CNTN4: variants seen among roughly 807,000 people sequenced by gnomAD.
The protein encoded by CNTN4 is contactin 4.
In CNTN4, 77 loss-of-function variants were observed where a neutral mutation model predicts 122.5. That is an observed-to-expected ratio of 0.63 (90% CI 0.52 to 0.76). The LOEUF (loss-of-function observed/expected upper bound fraction) is 0.76. Among genes scored for constraint, CNTN4 ranks in the 30% least tolerant of loss-of-function variants. The pLI is 0.00. For missense variants in CNTN4, 1,256 were observed against 1,259.1 expected (o/e 1.00, Z 0.04); for synonymous variants, 512 against 447.0 (o/e 1.15, Z -1.83).
chr3:2,608,554 C>T (rs924776739), intron 4 of CNTN4, among the ~76,000 whole-genome samples: 1 of 152,198 alleles, frequency 6.6e-6, no homozygotes, highest in East Asian at 1.9e-4. Context: ...TTACTACAAC[C>T]TCTGCCTCAT....
At chr3:3,020,068 G>C (rs985527406) in intron 14 of CNTN4, among the ~76,000 whole-genome samples, 3 of 152,190 alleles carry the variant, frequency 2.0e-5, no homozygotes, top group African/African-American at 7.2e-5. Context: ...CATGGTGAGT[G>C]CTGAGTTAGC....
At chr3:2,673,977 A>G (rs920657822) in intron 4 of CNTN4, among the ~76,000 whole-genome samples, 1 of 152,190 alleles carries the variant, frequency 6.6e-6, no homozygotes, top group East Asian at 1.9e-4. Context: ...GAGGCAACCC[A>G]GCAGACTGCC....
At chr3:2,185,289 T>C (rs1459184503) in intron 2 of CNTN4, among the ~76,000 whole-genome samples, 1 of 152,176 alleles carries the variant, frequency 6.6e-6, no homozygotes, top group African/African-American at 2.4e-5. Context: ...CTCACCACGG[T>C]CTCTCTCTTC....
Position 2,988,456 on chromosome 3 carries a change from A to T in CNTN4, c.1470A>T (p.Gly490=). ...ATTTTGGAACTGCTAGCAGTACTGG[A>T]AACTTGGTAGTGAAAGGTAATGGCT... ...TNHFGTASST[G]NLVVKDPTRV... The change falls in exon 14 of 25, where the codon GGA becomes GGT. Residue 490 remains glycine, a synonymous_variant. Coordinates refer to ENST00000418658, the MANE Select transcript of CNTN4 (RefSeq NM_175607.3). 6.2e-7 allele frequency: 1 copy of T among 1,613,808 alleles called. No homozygotes were observed. Among genetic ancestry groups the T allele is most frequent in the Non-Finnish European group, 8.5e-7 (1 of 1,179,776 alleles).
chr3:2,840,427 G>A (rs892045487), intron 7 of CNTN4, among the ~76,000 whole-genome samples: 6 of 151,564 alleles, frequency 4.0e-5, no homozygotes, highest in East Asian at 2.0e-4. Context: ...TGGGGCCGGC[G>A]CGGTGGCTCA....
intron 6 of CNTN4, among the ~76,000 whole-genome samples, chr3:2,799,858 C>T (rs1253789674): frequency 6.6e-6 from 1 of 152,020 alleles, no homozygotes; most frequent in South Asian, 2.1e-4. Flanking sequence ...TATGACAATC[C>T]ATTTTTCCCA....
At chr3:2,495,307 A>G (rs1406845292) in intron 3 of CNTN4, among the ~76,000 whole-genome samples, 1 of 152,246 alleles carries the variant, frequency 6.6e-6, no homozygotes, top group Admixed American at 6.5e-5. Flanking sequence ...CTCTCTTAAA[A>G]TACTTACCTG....
chr3:2,319,789 G>T (rs1239209014), intron 2 of CNTN4, among the ~76,000 whole-genome samples: 3 of 152,068 alleles, frequency 2.0e-5, no homozygotes, highest in African/African-American at 7.2e-5. Context: ...ATGGGGGTTG[G>T]TACCCCTACC....
intron 6 of CNTN4, among the ~76,000 whole-genome samples, chr3:2,760,728 T>C (rs748047015): frequency 2.0e-5 from 3 of 152,188 alleles, no homozygotes; most frequent in Non-Finnish European, 2.9e-5. Context: ...GGATATGTAA[T>C]ATAAAATTCA....
intron 6 of CNTN4, among the ~76,000 whole-genome samples, chr3:2,759,686 AAC>A (rs1414689204): frequency 4.0e-5 from 6 of 151,178 alleles, no homozygotes. Context: ...AACATACAGT[AAC>A]TGGGCAACAG....
At chr3:2,248,867 A>T (rs1419797466) in intron 2 of CNTN4, among the ~76,000 whole-genome samples, 1 of 152,004 alleles carries the variant, frequency 6.6e-6, no homozygotes, top group Non-Finnish European at 1.5e-5. Context: ...CTGAATTTTA[A>T]GAAGAGGATT....
At position 2,866,746 on chromosome 3, in the gene CNTN4, T is replaced by C. The variant is rs1194489032; in HGVS notation, c.455-6T>C. On this transcript the variant is annotated splice_region_variant and splice_polypyrimidine_tract_variant and intron_variant, in intron 7 of 24. Coordinates refer to ENST00000418658, the MANE Select transcript of CNTN4 (RefSeq NM_175607.3). ...ATATTTGTAATGAAGATTTTTTTCC[T>C]TTCAGAGCTGAGTTATGCCTGGATC... is the stretch of plus-strand genomic sequence containing the variant. The C allele has an allele frequency of 3.1e-6, 5 of 1,613,346 alleles. No homozygotes were observed. The highest frequency in any genetic ancestry group is 4.2e-6 in the Non-Finnish European group (5 of 1,179,406).
chr3:2,812,103 C>T (rs902138508), intron 6 of CNTN4, among the ~76,000 whole-genome samples: 7 of 152,066 alleles, frequency 4.6e-5, no homozygotes, highest in Admixed American at 6.5e-5. Flanking sequence ...AAGGGGAACA[C>T]CACACACTGG....
At chr3:2,905,868 C>A (rs773343182) in intron 12 of CNTN4, among the ~76,000 whole-genome samples, 1 of 152,182 alleles carries the variant, frequency 6.6e-6, no homozygotes, top group Non-Finnish European at 1.5e-5. Context: ...GGAACAAAGG[C>A]TCAAAATTAT....
intron 4 of CNTN4, among the ~76,000 whole-genome samples, chr3:2,676,249 T>C (rs1576425956): frequency 6.6e-6 from 1 of 151,096 alleles, no homozygotes; most frequent in African/African-American, 2.4e-5. Context: ...GGGCACAGAG[T>C]CTTGCTCTGT....
intron 5 of CNTN4, among the ~76,000 whole-genome samples, chr3:2,737,228 G>A (rs979093182): frequency 6.6e-6 from 1 of 152,098 alleles, no homozygotes; most frequent in African/African-American, 2.4e-5. Context: ...TTATAGGTTT[G>A]CACCACCATG....
chr3:2,888,849 G>T (rs1273061911), intron 10 of CNTN4, among the ~76,000 whole-genome samples: 1 of 151,982 alleles, frequency 6.6e-6, no homozygotes, highest in Non-Finnish European at 1.5e-5. Context: ...TATTAAATAT[G>T]TATATTCGGC....
intron 3 of CNTN4, among the ~76,000 whole-genome samples, chr3:2,453,870 T>A (rs1037177581): frequency 1.3e-5 from 2 of 152,186 alleles, no homozygotes; most frequent in Non-Finnish European, 2.9e-5. Context: ...ATGGTTTGAC[T>A]TGAAACCAGC....
intron 4 of CNTN4, among the ~76,000 whole-genome samples, chr3:2,662,752 C>T (rs77484790): frequency 2.3e-3 from 355 of 152,140 alleles, no homozygotes; most frequent in Non-Finnish European, 4.2e-3. Flanking sequence ...TGACACCCTA[C>T]GAAAAGTATG....
Sources: gnomAD v4.1 joint callset for allele counts (sites outside exome capture counted in the v4.1 genomes callset) on GRCh38, gnomAD v4.1.1 for gene constraint, MANE v1.5 for transcripts, NCBI Gene and HGNC (gene_info 2026-07-23, HGNC 2026-07-21) for gene names.